The following SLC25A6 variants were observed in gnomAD, a reference collection of about 807,000 sequenced individuals.
The protein encoded by SLC25A6 is ADP/ATP translocase 3.
Under a neutral mutation model 25.7 loss-of-function variants are expected in SLC25A6, and 9 were observed. The ratio of observed to expected loss-of-function variants is 0.35; its 90% CI spans 0.21 to 0.61. The LOEUF (loss-of-function observed/expected upper bound fraction) is 0.61. SLC25A6 is among the 20% of genes least tolerant of loss of function. SLC25A6 has a pLI of 0.76. For synonymous variants in SLC25A6, 223 were observed against 197.0 expected, an observed-to-expected ratio of 1.13 and a Z score of -1.11; for missense variants, 404 against 440.5, an observed-to-expected ratio of 0.92 and a Z score of 0.74.
chrX:1,386,971 G>A (rs1374381671), intron 3 of SLC25A6, among the ~76,000 whole-genome samples: 7 of 152,064 alleles, frequency 4.6e-5, no homozygotes, highest in Admixed American at 3.3e-4. Flanking sequence ...TTCAGGCCCC[G>A]CCCTGGGTGT....
chrX:1,387,151 C>T (rs1305107302), intron 3 of SLC25A6, 128 bp downstream of exon 3: 12 of 1,182,444 alleles, frequency 1.0e-5, no homozygotes, highest in African/African-American at 3.0e-5. Flanking sequence ...AGGTTACTTT[C>T]GGACACACTT....
intron 2 of SLC25A6, among the ~76,000 whole-genome samples, chrX:1,387,841 C>CA (rs2089346233): frequency 6.6e-6 from 1 of 152,048 alleles, no homozygotes; most frequent in African/African-American, 2.4e-5. Context: ...TAAAGGAGGC[C>CA]AGTAGGGTGG....
intron 1 of SLC25A6, among the ~76,000 whole-genome samples, chrX:1,391,661 A>G (rs2089413978): frequency 1.3e-5 from 2 of 152,166 alleles, no homozygotes; most frequent in African/African-American, 4.8e-5. Flanking sequence ...TGCGCCCTCC[A>G]ATCCGTGCCG....
At chrX:1,391,009 TAG>T (rs2089400335) in intron 1 of SLC25A6, among the ~76,000 whole-genome samples, 1 of 151,934 alleles carries the variant, frequency 6.6e-6, no homozygotes. Context: ...CACCCTGTAC[TAG>T]GTTTAAAAAA....
Position 1,386,220 on chromosome X carries a change from G to A in SLC25A6, c.*382C>T, listed in dbSNP as rs1334864304. 1.0e-5 allele frequency: 2 copies of A among 195,716 alleles called. No individual in the cohort carries two copies. Among genetic ancestry groups the A allele is most frequent in the East Asian group, 2.4e-4 (2 of 8,398 alleles). 12.1% of individuals were successfully genotyped at this position (195,716 alleles called of 1,614,324 possible). A position where few individuals can be genotyped will look rare whatever the true frequency, so the allele number is the denominator to read the frequency against. On this transcript the variant is annotated 3_prime_UTR_variant, in exon 4 of 4. Transcript: ENST00000381401. ...ACATAGAACATACTCGCCAGTACTC[G>A]GCTGTGCAAAACAGGGGCTAGCGCT...
Position 1,391,879 on chromosome X carries a change from G to C in SLC25A6, c.111+20C>G. On this transcript the variant is annotated intron_variant, in intron 1 of 3. Coordinates refer to ENST00000381401, the MANE Select transcript of SLC25A6 (RefSeq NM_001636.4). ...GTTCCCGTCCCCTAGTCCCCGGAGC[G>C]GCCGCGCCCGCGTCCCCACCTGCAG... The C allele has an allele frequency of 1.3e-6, 2 of 1,567,100 alleles. No homozygotes were observed. The highest frequency in any genetic ancestry group is 2.3e-5 in the South Asian group (2 of 85,676).
At chrX:1,387,966 G>C (rs1223513466) in intron 2 of SLC25A6, among the ~76,000 whole-genome samples, 5 of 151,934 alleles carry the variant, frequency 3.3e-5, no homozygotes, top group East Asian at 1.9e-4. Context: ...CAAAAAGAGA[G>C]GCCTCAGAAG....
intron 1 of SLC25A6, among the ~76,000 whole-genome samples, chrX:1,391,447 T>C (rs1312266661): frequency 6.6e-5 from 10 of 152,158 alleles, no homozygotes; most frequent in African/African-American, 2.4e-4. Flanking sequence ...CCAATAACCA[T>C]ATCCTGGTTA....
chrX:1,386,981 T>A (rs1190760734), intron 3 of SLC25A6, among the ~76,000 whole-genome samples: 1 of 151,660 alleles, frequency 6.6e-6, no homozygotes, highest in Non-Finnish European at 1.5e-5. Context: ...GCCCTGGGTG[T>A]CCCCCATCTC....
chrX:1,391,266 C>T (rs2089405644), intron 1 of SLC25A6, among the ~76,000 whole-genome samples: 1 of 152,162 alleles, frequency 6.6e-6, no homozygotes, highest in Non-Finnish European at 1.5e-5. Flanking sequence ...GCAGCCAAGC[C>T]TATTCATTCC....
At chrX:1,389,176 G>C in intron 2 of SLC25A6, 65 bp downstream of exon 2, 3 of 1,553,110 alleles carry the variant, frequency 1.9e-6, no homozygotes, top group Non-Finnish European at 2.6e-6. Flanking sequence ...CAGCCCACAG[G>C]ACCCTGGGGG....
intron 1 of SLC25A6, among the ~76,000 whole-genome samples, chrX:1,391,188 C>T (rs2089404380): frequency 6.6e-6 from 1 of 152,022 alleles, no homozygotes; most frequent in Admixed American, 6.6e-5. Context: ...TGCTCTCAAA[C>T]TCCTGGCCTC....
intron 1 of SLC25A6, 93 bp downstream of exon 1, chrX:1,391,806 C>T: frequency 2.1e-6 from 2 of 974,078 alleles, no homozygotes; most frequent in Non-Finnish European, 3.0e-6. Context: ...TTCCGGCGCC[C>T]GCCTGCAAGG....
chrX:1,389,201 G>A (rs758558497), intron 2 of SLC25A6, 40 bp downstream of exon 2: 9 of 1,592,874 alleles, frequency 5.7e-6, no homozygotes, highest in Non-Finnish European at 7.7e-6. Context: ...TCTGTGTGTT[G>A]AGCCCGTCTC....
rs2089326544 is a variant in SLC25A6, at chrX:1,386,563, C to T, written c.*39G>A. 1.3e-6 allele frequency: 2 copies of T among 1,482,266 alleles called. No individual in the cohort carries two copies. Among genetic ancestry groups the T allele is most frequent in the Non-Finnish European group, 1.8e-6 (2 of 1,115,566 alleles). The allele number at this position is 1,482,266 out of a possible 1,614,324, so 91.8% of individuals were successfully genotyped here. A position where few individuals can be genotyped will look rare whatever the true frequency, so the allele number is the denominator to read the frequency against. On this transcript the variant is annotated 3_prime_UTR_variant, in exon 4 of 4. Transcript: ENST00000381401. ...AGGATTCTACGTGGTTCTCTTGGTT[C>T]CCCTGGTGTGTGTGTGTGTGTGGAG...
chrX:1,387,374 AT>A lies in SLC25A6; in HGVS notation c.643del (p.Met215Ter). On this transcript the variant is annotated frameshift_variant, in exon 3 of 4. Coordinates refer to ENST00000381401, the MANE Select transcript of SLC25A6 (RefSeq NM_001636.4). LOFTEE classifies it high-confidence loss of function. ...CACGGCCGTCACGGTCTGCGCGATC[AT>A]CCAGCTCACCACGATGTGCGTGTTC... ...PKNTHIVVSW[M>X]IAQTVTAVAG... The A allele has an allele frequency of 6.2e-7, 1 of 1,613,280 alleles. No homozygotes were observed. The highest frequency in any genetic ancestry group is 2.2e-5 in the East Asian group (1 of 44,870).
Position 1,392,110 on chromosome X carries a change from A to C in SLC25A6, c.-101T>G. The C allele has an allele frequency of 2.3e-6, 2 of 859,834 alleles. No homozygotes were observed. The highest frequency in any genetic ancestry group is 1.5e-5 in the South Asian group (1 of 67,292). The allele number at this position is 859,834 out of a possible 1,614,324, so 53.3% of individuals were successfully genotyped here. On this transcript the variant is annotated 5_prime_UTR_variant, in exon 1 of 4. Coordinates refer to ENST00000381401, the MANE Select transcript of SLC25A6 (RefSeq NM_001636.4). ...TCAGCCCTGCCGCCGCCTGGACCGA[A>C]AGGACGGAGCAGCCACCGCGCAGCC...
At chrX:1,388,869 C>T (rs1240189783) in intron 2 of SLC25A6, among the ~76,000 whole-genome samples, 1 of 151,382 alleles carries the variant, frequency 6.6e-6, no homozygotes, top group African/African-American at 2.4e-5. Context: ...AAGACGGCAT[C>T]TACAAGCCTA....
chrX:1,391,574 G>T (rs746488236), intron 1 of SLC25A6, among the ~76,000 whole-genome samples: 12 of 152,244 alleles, frequency 7.9e-5, no homozygotes, highest in Non-Finnish European at 1.6e-4. Context: ...GGTCCCAGCC[G>T]GGGGACCCGC....
Sources: gnomAD v4.1 joint callset for allele counts (sites outside exome capture counted in the v4.1 genomes callset) on GRCh38, gnomAD v4.1.1 for gene constraint, MANE v1.5 for transcripts, NCBI Gene and HGNC (gene_info 2026-07-23, HGNC 2026-07-21) for gene names.